The following ANKIB1 variants were observed in gnomAD, a reference collection of about 807,000 sequenced individuals.
The protein encoded by ANKIB1 is ankyrin repeat and IBR domain-containing protein 1.
In ANKIB1, 43 loss-of-function variants were observed where a neutral mutation model predicts 122.1. The observed-to-expected ratio is 0.35, with a 90% CI of 0.28 to 0.45. The LOEUF is 0.45. Ranked by LOEUF, ANKIB1 falls within the 20% of genes least tolerant of loss-of-function variation. ANKIB1 has a pLI of 1.00. For missense variants in ANKIB1, 992 were observed against 1,329.5 expected (o/e 0.75, Z 3.95); for synonymous variants, 390 against 442.0 (o/e 0.88, Z 1.48).
intron 1 of ANKIB1, among the ~76,000 whole-genome samples, chr7:92,293,459 GTAT>G (rs968808425): frequency 2.0e-5 from 3 of 152,222 alleles, no homozygotes; most frequent in Non-Finnish European, 4.4e-5. Flanking sequence ...CGAATAACTG[GTAT>G]TATAGGCATG....
intron 1 of ANKIB1, among the ~76,000 whole-genome samples, chr7:92,265,467 G>A (rs1389392705): frequency 1.3e-5 from 2 of 152,230 alleles, no homozygotes; most frequent in Non-Finnish European, 2.9e-5. Flanking sequence ...TGTAGCTGGA[G>A]CATACTAAGC....
At chr7:92,299,123 T>G (rs535613787) in intron 2 of ANKIB1, among the ~76,000 whole-genome samples, 18 of 152,332 alleles carry the variant, frequency 1.2e-4, no homozygotes, top group African/African-American at 3.8e-4. Flanking sequence ...GCCAGTTATT[T>G]GTTGCTAATG....
At chr7:92,297,816 T>C (rs539667442) in intron 2 of ANKIB1, among the ~76,000 whole-genome samples, 2 of 152,296 alleles carry the variant, frequency 1.3e-5, no homozygotes, top group South Asian at 4.1e-4. Flanking sequence ...TCTCTTTACT[T>C]CTGGCTTCAT....
intron 9 of ANKIB1, among the ~76,000 whole-genome samples, chr7:92,361,903 A>G (rs1168497069): frequency 5.9e-5 from 9 of 151,952 alleles, no homozygotes; most frequent in Admixed American, 2.0e-4. Context: ...TCCACCTCCC[A>G]GGTTCAAGCG....
intron 9 of ANKIB1, among the ~76,000 whole-genome samples, chr7:92,358,791 A>G (rs1267419723): frequency 2.6e-5 from 4 of 152,158 alleles, no homozygotes; most frequent in Non-Finnish European, 5.9e-5. Flanking sequence ...CTGCAGATAT[A>G]TAAGGGCTTT....
chr7:92,290,983 A>G (rs62467832), intron 1 of ANKIB1, among the ~76,000 whole-genome samples: 6,657 of 152,248 alleles, frequency 0.044, 200 homozygotes, highest in Non-Finnish European at 0.067. Context: ...TTTATTGTAC[A>G]TTTTAAAATA....
At position 92,334,729 on chromosome 7, in the gene ANKIB1, A is replaced by G. The variant is rs558387702; in HGVS notation, c.787+6829A>G. On this transcript the variant is annotated intron_variant, in intron 5 of 19. Coordinates refer to ENST00000265742, the MANE Select transcript of ANKIB1 (RefSeq NM_019004.2). ...CAATAGTATGCTTAATCTACATATG[A>G]TATTTTATAATATACTTTTAAAAAT... is the stretch of plus-strand genomic sequence containing the variant. Among the ~76,000 whole-genome samples the G allele has an allele frequency of 2.0e-4, 30 of 152,084 alleles. 1 individual carries two copies. In the South Asian group the frequency reaches 5.8e-3, roughly 29 times the overall value.
intron 11 of ANKIB1, among the ~76,000 whole-genome samples, chr7:92,379,030 G>A (rs552964705): frequency 5.9e-5 from 9 of 152,288 alleles, no homozygotes; most frequent in Non-Finnish European, 1.3e-4. Context: ...CAAACTAATT[G>A]AAAGACAATG....
At chr7:92,267,490 T>C (rs1219689014) in intron 1 of ANKIB1, among the ~76,000 whole-genome samples, 1 of 152,216 alleles carries the variant, frequency 6.6e-6, no homozygotes, top group Non-Finnish European at 1.5e-5. Flanking sequence ...TGCTAGTCTG[T>C]GTCTTTTCAT....
intron 12 of ANKIB1, 103 bp from the exon 13 acceptor site, chr7:92,387,695 A>G: frequency 2.7e-6 from 2 of 748,814 alleles, no homozygotes; most frequent in Non-Finnish European, 4.4e-6. Context: ...ATCTGAATGC[A>G]CTACTACCTA....
At chr7:92,270,639 A>G (rs1801765745) in intron 1 of ANKIB1, among the ~76,000 whole-genome samples, 1 of 152,100 alleles carries the variant, frequency 6.6e-6, no homozygotes, top group African/African-American at 2.4e-5. Context: ...TGTCACCCCA[A>G]GAAAACTCCC....
intron 1 of ANKIB1, among the ~76,000 whole-genome samples, chr7:92,267,527 A>T (rs1312780485): frequency 6.6e-6 from 1 of 151,886 alleles, no homozygotes. Context: ...TGATATATAT[A>T]CTCCTAAAAA....
chr7:92,394,601 AT>A (rs1009312435), intron 17 of ANKIB1, among the ~76,000 whole-genome samples: 38 of 152,330 alleles, frequency 2.5e-4, no homozygotes, highest in African/African-American at 8.2e-4. Context: ...AAGTAAGCAA[AT>A]TATCCCTAAT....
intron 1 of ANKIB1, among the ~76,000 whole-genome samples, chr7:92,281,112 T>G (rs770191343): frequency 2.2e-4 from 33 of 152,242 alleles, no homozygotes; most frequent in Non-Finnish European, 4.3e-4. Flanking sequence ...TCCAAGAGTC[T>G]TCTTCCCATG....
Position 92,398,464 on chromosome 7 carries a change from A to G in ANKIB1, c.2785A>G (p.Asn929Asp), listed in dbSNP as rs1386209886. Reference sequence around the variant, plus strand: ...CAGCCTCATGAGACTAGGAGCAGAGAATGACCCATTTTCAACTGACACCCT... The same window carrying G: ...CAGCCTCATGAGACTAGGAGCAGAGGATGACCCATTTTCAACTGACACCCT... ...GDSLMRLGAE[N>D]DPFSTDTLSS... The change falls in exon 20 of 20, where the codon AAT becomes GAT. Residue 929 changes from asparagine to aspartate, a missense_variant. Physicochemically the swap from Asn to Asp is conservative, Grantham distance 23. This residue lies in a region of ANKIB1 where 384 missense variants were observed against 412.0 expected (regional missense o/e 0.93). Transcript: ENST00000265742. The G allele has an allele frequency of 8.1e-6, 13 of 1,613,914 alleles. No individual in the cohort carries two copies. The highest frequency in any genetic ancestry group is 2.7e-5 in the African/African-American group (2 of 75,048).
chr7:92,335,334 C>T (rs1803264827), intron 5 of ANKIB1, among the ~76,000 whole-genome samples: 1 of 151,904 alleles, frequency 6.6e-6, no homozygotes, highest in Admixed American at 6.6e-5. Context: ...ATATCATGTG[C>T]ATTTGACAAG....
chr7:92,390,504 A>G (rs1318803093), intron 15 of ANKIB1, among the ~76,000 whole-genome samples: 1 of 152,214 alleles, frequency 6.6e-6, no homozygotes, highest in East Asian at 1.9e-4. Flanking sequence ...TATTTTTGAA[A>G]TACAACTGAA....
intron 5 of ANKIB1, among the ~76,000 whole-genome samples, chr7:92,338,419 A>C (rs1803339192): frequency 1.5e-5 from 1 of 68,000 alleles, no homozygotes; most frequent in African/African-American, 4.6e-5. Flanking sequence ...ACTTTGCCTC[A>C]AAAAAAAATA....
At chr7:92,384,008 A>G (rs990154531) in intron 11 of ANKIB1, among the ~76,000 whole-genome samples, 9 of 152,234 alleles carry the variant, frequency 5.9e-5, no homozygotes, top group Non-Finnish European at 1.2e-4. Context: ...TCAGCCCAAA[A>G]TCTGCTTAAG....
Sources: gnomAD v4.1 joint callset for allele counts (sites outside exome capture counted in the v4.1 genomes callset) on GRCh38, gnomAD v4.1.1 for gene constraint, gnomAD v4.1.1 regional missense constraint, MANE v1.5 for transcripts, NCBI Gene and HGNC (gene_info 2026-07-23, HGNC 2026-07-21) for gene names.